The following PRKD1 variants were observed in gnomAD, a reference collection of about 807,000 sequenced individuals.
PRKD1 encodes protein kinase D1, also known as serine/threonine-protein kinase D1.
Under a neutral mutation model 95.9 loss-of-function variants are expected in PRKD1, and 63 were observed. That is an observed-to-expected ratio of 0.66 (90% CI 0.54 to 0.81). The LOEUF is 0.81. PRKD1 is among the 30% of genes least tolerant of loss of function. The probability of loss-of-function intolerance (pLI) is 0.00; values close to 1 mark genes in which losing one functional copy is unlikely to be tolerated. For synonymous variants in PRKD1, 425 were observed against 423.1 expected, an observed-to-expected ratio of 1.00 and a Z score of -0.05; for missense variants, 1,048 against 1,165.3, an observed-to-expected ratio of 0.90 and a Z score of 1.47.
chr14:29,916,166 G>T (rs1253334538), intron 1 of PRKD1, among the ~76,000 whole-genome samples: 6 of 152,074 alleles, frequency 3.9e-5, no homozygotes, highest in Admixed American at 3.9e-4. Flanking sequence ...ATGACCCAAG[G>T]CTCCTGGGAT....
intron 2 of PRKD1, among the ~76,000 whole-genome samples, chr14:29,681,573 C>T (rs1195720817): frequency 1.3e-5 from 2 of 152,166 alleles, no homozygotes; most frequent in Non-Finnish European, 2.9e-5. Context: ...CTCTCCCTCC[C>T]TCATGTACCA....
chr14:29,811,059 T>C (rs1418002500), intron 1 of PRKD1, among the ~76,000 whole-genome samples: 3 of 152,218 alleles, frequency 2.0e-5, no homozygotes, highest in Non-Finnish European at 4.4e-5. Flanking sequence ...GTATAGTAAA[T>C]GATTGCTGAA....
At chr14:29,862,067 CTG>C (rs1354330450) in intron 1 of PRKD1, among the ~76,000 whole-genome samples, 2 of 152,192 alleles carry the variant, frequency 1.3e-5, no homozygotes, top group African/African-American at 2.4e-5. Flanking sequence ...TCCTTCTACT[CTG>C]TATCCCCATG....
chr14:29,701,185 C>T (rs1166522346), intron 2 of PRKD1, among the ~76,000 whole-genome samples: 2 of 152,144 alleles, frequency 1.3e-5, no homozygotes, highest in Admixed American at 1.3e-4. Flanking sequence ...TTATCTAAAA[C>T]TGAGGCTCTT....
chr14:29,683,389 G>T (rs931993419), intron 2 of PRKD1, among the ~76,000 whole-genome samples: 10 of 152,178 alleles, frequency 6.6e-5, no homozygotes, highest in Non-Finnish European at 2.9e-5. Flanking sequence ...GGAATGATGG[G>T]TTCTGTTCTA....
chr14:29,714,750 C>A, intron 2 of PRKD1, among the ~76,000 whole-genome samples: 1 of 152,156 alleles, frequency 6.6e-6, no homozygotes, highest in East Asian at 1.9e-4. Flanking sequence ...AAATGTGGCA[C>A]ATATACATCA....
Position 29,785,649 on chromosome 14 carries a change from A to T in PRKD1, c.265-59975T>A, listed in dbSNP as rs1406616878. Among the ~76,000 whole-genome samples, 5 of 150,258 alleles carry T rather than the reference A, an allele frequency of 3.3e-5. No homozygotes were observed. The East Asian group carries it at 9.8e-4, about 30-fold the overall frequency. On this transcript the variant is annotated intron_variant, in intron 1 of 17. Coordinates refer to ENST00000331968, the MANE Select transcript of PRKD1 (RefSeq NM_002742.3). ...CATCCCCATGGACACAGGAAGGGGA[A>T]CATCACACTCTGGGGACTGTTGTGG...
At chr14:29,856,735 G>A (rs1354717798) in intron 1 of PRKD1, among the ~76,000 whole-genome samples, 1 of 152,128 alleles carries the variant, frequency 6.6e-6, no homozygotes, top group Non-Finnish European at 1.5e-5. Flanking sequence ...TGAAGTTTGG[G>A]TACCTAAAAT....
chr14:29,667,555 A>C (rs1882594374), intron 2 of PRKD1, among the ~76,000 whole-genome samples: 1 of 152,190 alleles, frequency 6.6e-6, no homozygotes, highest in Non-Finnish European at 1.5e-5. Context: ...CCAATCACCT[A>C]CTTTGGTGGT....
chr14:29,661,883 G>C (rs1378255634), intron 4 of PRKD1, among the ~76,000 whole-genome samples: 1 of 152,036 alleles, frequency 6.6e-6, no homozygotes, highest in Admixed American at 6.6e-5. Flanking sequence ...TCTTGACAAA[G>C]TCTAATTTTA....
At chr14:29,723,670 CGT>C (rs58797570) in intron 2 of PRKD1, among the ~76,000 whole-genome samples, 3,760 of 149,552 alleles carry the variant, frequency 0.025, 110 homozygotes, top group Admixed American at 0.084. Context: ...ATTGAGTGTG[CGT>C]GTGTGTGTGT....
chr14:29,885,563 A>T (rs1893671895), intron 1 of PRKD1, among the ~76,000 whole-genome samples: 2 of 152,186 alleles, frequency 1.3e-5, no homozygotes, highest in Non-Finnish European at 2.9e-5. Context: ...TATTTAAAAA[A>T]AAACTAAAAC....
chr14:29,620,280 T>TA (rs1427388589), intron 13 of PRKD1, among the ~76,000 whole-genome samples: 2 of 151,794 alleles, frequency 1.3e-5, no homozygotes, highest in Non-Finnish European at 2.9e-5. Flanking sequence ...ACTTCATATC[T>TA]AAAACACCAA....
At chr14:29,871,370 A>G (rs1469867569) in intron 1 of PRKD1, among the ~76,000 whole-genome samples, 3 of 152,232 alleles carry the variant, frequency 2.0e-5, no homozygotes, top group Non-Finnish European at 2.9e-5. Context: ...AAGAGTACTT[A>G]AAAGTTGTGA....
intron 1 of PRKD1, among the ~76,000 whole-genome samples, chr14:29,735,608 TTG>T (rs917016551): frequency 4.6e-5 from 7 of 152,222 alleles, no homozygotes; most frequent in African/African-American, 1.7e-4. Flanking sequence ...GTCAATTTGC[TTG>T]TGTGATGCAA....
intron 13 of PRKD1, among the ~76,000 whole-genome samples, chr14:29,602,966 G>A (rs879883687): frequency 6.6e-6 from 1 of 152,134 alleles, no homozygotes; most frequent in Non-Finnish European, 1.5e-5. Flanking sequence ...CTCTACAAAT[G>A]TTCTCTAATA....
At chr14:29,847,862 TTCTC>T (rs143640198) in intron 1 of PRKD1, among the ~76,000 whole-genome samples, 1 of 150,944 alleles carries the variant, frequency 6.6e-6, no homozygotes, top group Non-Finnish European at 1.5e-5. Context: ...TGCATGCGTG[TTCTC>T]TCTCTCTCTC....
intron 1 of PRKD1, among the ~76,000 whole-genome samples, chr14:29,907,220 G>A (rs1362245167): frequency 6.6e-6 from 1 of 152,140 alleles, no homozygotes; most frequent in Non-Finnish European, 1.5e-5. Flanking sequence ...CGGGGCTTCT[G>A]TTTGTTTCCT....
At chr14:29,712,355 A>G (rs1414821271) in intron 2 of PRKD1, among the ~76,000 whole-genome samples, 1 of 152,126 alleles carries the variant, frequency 6.6e-6, no homozygotes, top group African/African-American at 2.4e-5. Context: ...TTAACAAGTT[A>G]TAATGATCAG....
Sources: gnomAD v4.1 joint callset for allele counts (sites outside exome capture counted in the v4.1 genomes callset) on GRCh38, gnomAD v4.1.1 for gene constraint, MANE v1.5 for transcripts, NCBI Gene and HGNC (gene_info 2026-07-23, HGNC 2026-07-21) for gene names.